The following MFAP5 variants were observed in gnomAD, a reference collection of about 807,000 sequenced individuals.
The protein encoded by MFAP5 is microfibril associated protein 5.
Under a neutral mutation model 30.1 loss-of-function variants are expected in MFAP5, and 19 were observed. That is an observed-to-expected ratio of 0.63 (90% CI 0.44 to 0.93). MFAP5 has a LOEUF of 0.93. Among genes scored for constraint, MFAP5 ranks in the 40% least tolerant of loss-of-function variants. The pLI is 0.00. For synonymous variants in MFAP5, 92 were observed against 72.9 expected, an observed-to-expected ratio of 1.26 and a Z score of -1.33; for missense variants, 210 against 221.3, an observed-to-expected ratio of 0.95 and a Z score of 0.32.
intron 6 of MFAP5, chr12:8,654,126 CAA>C (rs61055144): frequency 0.014 from 1,577 of 112,766 alleles, no homozygotes; most frequent in Middle Eastern, 0.032. Context: ...TAATCCGTCT[CAA>C]AAAAAAAAAA....
rs756267682 is a variant in MFAP5 at position 8,656,910 on chromosome 12, T to G, written c.95-1080A>C. Among the ~76,000 whole-genome samples, 6 of 152,078 alleles carry G rather than the reference T, an allele frequency of 3.9e-5. No individual in the cohort carries two copies. The East Asian group carries it at 5.8e-4, about 15-fold the overall frequency. On this transcript the variant is annotated intron_variant, in intron 3 of 9. Coordinates refer to ENST00000359478, the MANE Select transcript of MFAP5 (RefSeq NM_003480.4). ...CTTGAACTCCTGACCTCAGGTGATCTGCCCGCCTAGGCCTCCCAGTGTGCT... is the reference window on the plus strand; with the variant it reads ...CTTGAACTCCTGACCTCAGGTGATCGGCCCGCCTAGGCCTCCCAGTGTGCT...
At chr12:8,651,399 C>T (rs1057492425) in intron 7 of MFAP5, among the ~76,000 whole-genome samples, 1 of 152,080 alleles carries the variant, frequency 6.6e-6, no homozygotes, top group Non-Finnish European at 1.5e-5. Context: ...AATCCACTAA[C>T]CACCACATAA....
At chr12:8,654,817 T>A (rs1941938511) in intron 5 of MFAP5, among the ~76,000 whole-genome samples, 2 of 151,738 alleles carry the variant, frequency 1.3e-5, no homozygotes. Flanking sequence ...GGCAGGCGCC[T>A]GTAATCCCAG....
intron 3 of MFAP5, among the ~76,000 whole-genome samples, chr12:8,657,831 C>T (rs1284448570): frequency 1.3e-5 from 2 of 152,016 alleles, no homozygotes; most frequent in South Asian, 2.1e-4. Context: ...CTTGGCCTCC[C>T]GAAGTGCTGG....
intron 3 of MFAP5, among the ~76,000 whole-genome samples, 177 bp downstream of exon 3, chr12:8,660,686 A>G (rs1942122310): frequency 6.6e-6 from 1 of 151,970 alleles, no homozygotes; most frequent in African/African-American, 2.4e-5. Context: ...GATTGTGGAA[A>G]CTGGTGAAGT....
At position 8,647,999 on chromosome 12, in the gene MFAP5, C is replaced by A; in HGVS notation, c.*92G>T. On this transcript the variant is annotated 3_prime_UTR_variant, in exon 10 of 10. Transcript: ENST00000359478. ...TGCAAAAGGATTGGTTTAAGAAATACTGTCTAAGGGTTAGCTGTCAATGGT... is the reference window on the plus strand; with the variant it reads ...TGCAAAAGGATTGGTTTAAGAAATAATGTCTAAGGGTTAGCTGTCAATGGT... 1.1e-6 allele frequency: 1 copy of A among 882,840 alleles called. No homozygotes were observed. The highest frequency in any genetic ancestry group is 1.7e-6 in the Non-Finnish European group (1 of 579,882). The allele number at this position is 882,840 out of a possible 1,614,324, so 54.7% of individuals were successfully genotyped here. A position where few individuals can be genotyped will look rare whatever the true frequency, so the allele number is the denominator to read the frequency against.
At chr12:8,648,753 C>T (rs1402614527) in intron 9 of MFAP5, among the ~76,000 whole-genome samples, 5 of 152,168 alleles carry the variant, frequency 3.3e-5, no homozygotes, top group African/African-American at 4.8e-5. Flanking sequence ...TTTCCTTCTG[C>T]GAAGTTAACT....
rs1298536366 is a variant in MFAP5, at chr12:8,659,072, G to A, written c.94+1791C>T. 2.6e-5 allele frequency among the ~76,000 whole-genome samples: 4 copies of A among 151,350 alleles called. No individual in the cohort carries two copies. The East Asian group carries it at 7.8e-4, about 30-fold the overall frequency. On this transcript the variant is annotated intron_variant, in intron 3 of 9. Coordinates refer to ENST00000359478, the MANE Select transcript of MFAP5 (RefSeq NM_003480.4). ...ACCTGTAATCCCAGCACTTTGGGAG[G>A]CCGAGGCCTGCAGATCATCTGAGGT... is the stretch of plus-strand genomic sequence containing the variant.
chr12:8,648,027 GAGA>G lies in MFAP5; in HGVS notation c.*61_*63del, dbSNP rs781575750. The stretch of plus-strand genomic sequence containing the variant: ...TCTAAGGGTTAGCTGTCAATGGTTG[GAGA>G]AGAAGGAGATCCTCCTTCCTCTCAC... On this transcript the variant is annotated 3_prime_UTR_variant, in exon 10 of 10. Coordinates refer to ENST00000359478, the MANE Select transcript of MFAP5 (RefSeq NM_003480.4). The G allele has an allele frequency of 2.6e-5, 33 of 1,250,260 alleles. No individual in the cohort carries two copies. The highest frequency in any genetic ancestry group is 1.4e-4 in the South Asian group (11 of 79,078). The allele number at this position is 1,250,260 out of a possible 1,614,324, so 77.4% of individuals were successfully genotyped here.
At chr12:8,656,716 G>T (rs1287761544) in intron 3 of MFAP5, among the ~76,000 whole-genome samples, 3 of 146,398 alleles carry the variant, frequency 2.0e-5, no homozygotes, top group Admixed American at 6.8e-5. Context: ...GCCCAGGCTG[G>T]AATACAGCAG....
intron 9 of MFAP5, chr12:8,648,662 G>A (rs954136425): frequency 3.7e-6 from 2 of 545,088 alleles, no homozygotes; most frequent in African/African-American, 2.0e-5. Context: ...AAAGTGCCTA[G>A]AGTCCCAAAT....
At chr12:8,648,767 GC>G (rs780522135) in intron 9 of MFAP5, among the ~76,000 whole-genome samples, 2 of 152,186 alleles carry the variant, frequency 1.3e-5, no homozygotes, top group Non-Finnish European at 2.9e-5. Flanking sequence ...GTTAACTACA[GC>G]TCTTACTCAG....
At chr12:8,662,161 T>G (rs1275830719) in intron 1 of MFAP5, 55 bp from the exon 2 acceptor site, 1 of 1,501,732 alleles carries the variant, frequency 6.7e-7, no homozygotes, top group East Asian at 2.3e-5. Context: ...ACATCAGCAT[T>G]TCAGTGCCAG....
intron 2 of MFAP5, among the ~76,000 whole-genome samples, chr12:8,661,547 T>C (rs1454268926): frequency 6.6e-6 from 1 of 151,814 alleles, no homozygotes; most frequent in Non-Finnish European, 1.5e-5. Flanking sequence ...TTTTTCTTTT[T>C]TCCTTTTTTT....
intron 3 of MFAP5, among the ~76,000 whole-genome samples, chr12:8,657,129 C>T (rs1020720801): frequency 6.6e-6 from 1 of 152,118 alleles, no homozygotes; most frequent in Non-Finnish European, 1.5e-5. Flanking sequence ...ATGGTGGATA[C>T]TGTAAACACA....
rs752124786 is a variant in MFAP5, at chr12:8,649,589, G to A, written c.336-15C>T. The A allele has an allele frequency of 1.4e-5, 23 of 1,611,692 alleles. No homozygotes were observed. Among genetic ancestry groups the A allele is most frequent in the Non-Finnish European group, 1.8e-5 (21 of 1,178,120 alleles). The stretch of plus-strand genomic sequence containing the variant: ...TACGTCGTAAACTGCAGACGTCCCA[G>A]TGTCATAGGCAAGGAAGGAGATGGA... On this transcript the variant is annotated splice_polypyrimidine_tract_variant and intron_variant, in intron 8 of 9. Coordinates refer to ENST00000359478, the MANE Select transcript of MFAP5 (RefSeq NM_003480.4).
intron 1 of MFAP5, 154 bp from the exon 2 acceptor site, chr12:8,662,260 T>A: frequency 1.6e-6 from 1 of 606,540 alleles, no homozygotes; most frequent in Non-Finnish European, 2.9e-6. Flanking sequence ...TCTCTTTTCT[T>A]ACCTTTCACC....
chr12:8,660,510 A>G (rs919727556), intron 3 of MFAP5, among the ~76,000 whole-genome samples: 3 of 152,110 alleles, frequency 2.0e-5, no homozygotes, highest in Non-Finnish European at 2.9e-5. Context: ...CCACTGTTAC[A>G]TGAATTAAGG....
intron 3 of MFAP5, among the ~76,000 whole-genome samples, chr12:8,660,207 T>A (rs2136482084): frequency 6.6e-6 from 1 of 151,828 alleles, no homozygotes; most frequent in East Asian, 1.9e-4. Context: ...TTTTTTTTTT[T>A]TTAGTCAGTT....
Sources: allele counts gnomAD v4.1 joint callset (sites outside exome capture counted in the v4.1 genomes callset), GRCh38; gene constraint gnomAD v4.1.1; transcripts MANE v1.5; gene names NCBI Gene and HGNC (gene_info 2026-07-23, HGNC 2026-07-21).